MAST2: variants seen among roughly 807,000 people sequenced by gnomAD.
MAST2 encodes microtubule associated serine/threonine kinase 2.
A neutral mutation model predicts 147.4 loss-of-function variants in MAST2; 70 were observed. The observed-to-expected ratio is 0.47, with a 90% CI of 0.39 to 0.58. MAST2 has a LOEUF of 0.58. MAST2 is among the 20% of genes least tolerant of loss of function. The pLI is 0.00. For missense variants in MAST2, 2,080 were observed against 2,302.3 expected (o/e 0.90, Z 1.98); for synonymous variants, 869 against 896.8 (o/e 0.97, Z 0.55).
rs1264605502 is a variant in MAST2, at chr1:46,006,368, C to T, written c.875C>T (p.Ala292Val). 1 of 1,613,360 alleles carries T rather than the reference C, an allele frequency of 6.2e-7. No homozygotes were observed. ...VPDEEGRQSPAMRPRSRSLSP... is the reference protein window; with the variant it reads ...VPDEEGRQSPVMRPRSRSLSP... ...GATGAGGAAGGACGGCAGTCCCCAG[C>T]CATGCGGCCTCGCTCCCGGAGCCTC... The change falls in exon 8 of 29, where the codon GCC becomes GTC. Residue 292 changes from alanine (A) to valine (V), a missense_variant. Physicochemically the swap from Ala to Val is moderately conservative, Grantham distance 64 (BLOSUM62 0). Around this residue, in one of 4 missense-constraint regions of MAST2, gnomAD observed 569 missense variants for 642.5 expected, o/e 0.89. Transcript: ENST00000361297.
rs772618952 is a variant in MAST2 at position 46,010,835 on chromosome 1, G to A, written c.1084G>A (p.Val362Met). 1.2e-6 allele frequency: 2 copies of A among 1,614,238 alleles called. No homozygotes were observed. The highest frequency in any genetic ancestry group is 3.3e-5 in the Admixed American group (2 of 60,026). Reference sequence around the variant, plus strand: ...AGCCCTGAGCTTTATTCATCATCAGGTGATTGAGATGGCCCGAGACTGCCT... The same window carrying A: ...AGCCCTGAGCTTTATTCATCATCAGATGATTGAGATGGCCCGAGACTGCCT... The part of the protein sequence containing the change: ...DGALSFIHHQ[V>M]IEMARDCLDK... Residue 362 changes from valine (V) to methionine (M), a missense_variant, in exon 10 of 29, where the codon GTG (valine) becomes ATG (methionine). Coordinates refer to ENST00000361297, the MANE Select transcript of MAST2 (RefSeq NM_015112.3).
At chr1:45,824,665 C>A (rs1644736530) in intron 2 of MAST2, 85 bp downstream of exon 2, 2 of 1,368,932 alleles carry the variant, frequency 1.5e-6, no homozygotes, top group African/African-American at 2.9e-5. Context: ...GGCATCTTGA[C>A]AGTTTCTTCT....
chr1:46,034,540 G>A lies in MAST2; in HGVS notation c.3871G>A (p.Gly1291Arg). ...RVTPDAVHSV[G>R]GNSSQSSSPS... ...TGTCTGTCTGTCTCTGTACAAAGTG[G>A]GAGGGAATTCATCACAGAGCAGCTC... Residue 1291 changes from glycine (G) to arginine (R), a missense_variant and splice_region_variant, in exon 29 of 29, where the codon GGA becomes AGA. Transcript: ENST00000361297. The A allele has an allele frequency of 1.2e-6, 2 of 1,612,404 alleles. No individual in the cohort carries two copies. Among genetic ancestry groups the A allele is most frequent in the East Asian group, 4.5e-5 (2 of 44,872 alleles).
chr1:45,839,039 T>G (rs1421542819), intron 3 of MAST2, among the ~76,000 whole-genome samples: 2 of 152,026 alleles, frequency 1.3e-5, no homozygotes, highest in Non-Finnish European at 2.9e-5. Context: ...AGGGGTGTGA[T>G]CTTGGCTCAC....
intron 4 of MAST2, among the ~76,000 whole-genome samples, chr1:45,923,168 G>A (rs533892684): frequency 1.3e-5 from 2 of 152,256 alleles, no homozygotes; most frequent in South Asian, 4.1e-4. Context: ...ACTGGCGGAC[G>A]GCTCAGCTCA....
intron 6 of MAST2, among the ~76,000 whole-genome samples, chr1:46,002,294 G>C (rs1024248927): frequency 6.6e-6 from 1 of 152,100 alleles, no homozygotes; most frequent in Non-Finnish European, 1.5e-5. Flanking sequence ...AGTCCTAACG[G>C]CTCCTAGGCA....
intron 4 of MAST2, among the ~76,000 whole-genome samples, chr1:45,902,197 T>C (rs886232001): frequency 2.0e-5 from 3 of 152,228 alleles, no homozygotes; most frequent in African/African-American, 7.2e-5. Context: ...CATGAAGTGA[T>C]GTTGGATTTT....
At chr1:45,964,874 C>G (rs1240506110) in intron 5 of MAST2, among the ~76,000 whole-genome samples, 2 of 152,108 alleles carry the variant, frequency 1.3e-5, no homozygotes, top group African/African-American at 2.4e-5. Context: ...AAATTTCCCT[C>G]TACGTACTGC....
At chr1:45,941,615 G>A (rs72692616) in intron 4 of MAST2, among the ~76,000 whole-genome samples, 6,306 of 152,202 alleles carry the variant, frequency 0.041, 211 homozygotes, top group Non-Finnish European at 0.055. Context: ...ATTGTTTTGT[G>A]TGTGAATGAT....
chr1:45,953,410 A>T (rs1039496646), intron 4 of MAST2, among the ~76,000 whole-genome samples: 1 of 152,188 alleles, frequency 6.6e-6, no homozygotes, highest in African/African-American at 2.4e-5. Flanking sequence ...AAAACCTCCT[A>T]TGCCCTGTGT....
intron 5 of MAST2, among the ~76,000 whole-genome samples, chr1:45,987,106 C>T (rs1644655557): frequency 6.6e-6 from 1 of 152,128 alleles, no homozygotes; most frequent in East Asian, 1.9e-4. Context: ...GTATATCTTT[C>T]AAAGAATTTT....
chr1:45,964,426 C>A (rs375761578), intron 5 of MAST2, among the ~76,000 whole-genome samples: 1 of 152,120 alleles, frequency 6.6e-6, no homozygotes, highest in Admixed American at 6.5e-5. Flanking sequence ...GATTCAACTT[C>A]CTCCTGGTTT....
At chr1:46,008,607 T>C (rs898481012) in intron 9 of MAST2, among the ~76,000 whole-genome samples, 5 of 152,230 alleles carry the variant, frequency 3.3e-5, no homozygotes, top group African/African-American at 4.8e-5. Context: ...AGCCTTTGTT[T>C]CTTCACTACC....
intron 8 of MAST2, 47 bp from the exon 9 acceptor site, chr1:46,008,249 A>G: frequency 5.0e-6 from 7 of 1,388,736 alleles, no homozygotes; most frequent in Non-Finnish European, 7.2e-6. Context: ...TTTCTTCTTG[A>G]TAGTTCCATA....
chr1:45,871,100 C>A (rs1420076523), intron 3 of MAST2, among the ~76,000 whole-genome samples: 2 of 148,736 alleles, frequency 1.3e-5, no homozygotes, highest in Non-Finnish European at 1.5e-5. Context: ...AAAAAAAAGT[C>A]CTGTTTGTAA....
intron 4 of MAST2, among the ~76,000 whole-genome samples, chr1:45,918,513 A>G (rs1016622367): frequency 1.3e-5 from 2 of 152,170 alleles, no homozygotes; most frequent in African/African-American, 2.4e-5. Context: ...ATCTCTCCTC[A>G]CTGCAACTCT....
rs777489364 is a variant in MAST2 at position 46,019,581 on chromosome 1, T to G, written c.1189-15T>G. The G allele has an allele frequency of 1.9e-6, 3 of 1,611,244 alleles. No homozygotes were observed. Among genetic ancestry groups the G allele is most frequent in the East Asian group, 2.2e-5 (1 of 44,864 alleles). On this transcript the variant is annotated splice_polypyrimidine_tract_variant and intron_variant, in intron 10 of 28. Transcript: ENST00000361297. ...ACTGGGCCAATAGATTAAGCAACGC[T>G]TCTTTTCTCTATAGGCTCATGAGCG...
chr1:45,922,003 T>G (rs1239917955), intron 4 of MAST2, among the ~76,000 whole-genome samples: 1 of 152,204 alleles, frequency 6.6e-6, no homozygotes, highest in Non-Finnish European at 1.5e-5. Context: ...GGACCCGCAG[T>G]GGGTAGCTCC....
At chr1:45,979,775 G>T (rs1253486032) in intron 5 of MAST2, among the ~76,000 whole-genome samples, 4 of 152,094 alleles carry the variant, frequency 2.6e-5, no homozygotes, top group African/African-American at 7.2e-5. Flanking sequence ...TTTTGAGGCT[G>T]CAATGAGCTA....
Sources: gnomAD v4.1 joint callset for allele counts (sites outside exome capture counted in the v4.1 genomes callset) on GRCh38, gnomAD v4.1.1 for gene constraint, gnomAD v4.1.1 regional missense constraint, MANE v1.5 for transcripts, NCBI Gene and HGNC (gene_info 2026-07-23, HGNC 2026-07-21) for gene names.